Variants in FMN1 observed in about 807,000 individuals in gnomAD.
The protein encoded by FMN1 is formin-1.
FMN1 carries 110 observed loss-of-function variants against 132.4 expected under a neutral mutation model. That is an observed-to-expected ratio of 0.83 (90% CI 0.71 to 0.97). The LOEUF (loss-of-function observed/expected upper bound fraction) is 0.97. Among genes scored for constraint, FMN1 ranks in the 50% least tolerant of loss-of-function variants. FMN1 has a pLI of 0.00. For synonymous variants in FMN1, 722 were observed against 651.7 expected (o/e 1.11, Z -1.64); for missense variants, 1,792 against 1,705.3 (o/e 1.05, Z -0.90).
chr15:33,171,446 G>T (rs79224957), intron 3 of FMN1, among the ~76,000 whole-genome samples: 3,521 of 152,214 alleles, frequency 0.023, 97 homozygotes, highest in East Asian at 0.1. Context: ...CACATTCTAT[G>T]TATGTAACAA....
chr15:33,068,291 C>T, intron 5 of FMN1: 1 of 177,322 alleles, frequency 5.6e-6, no homozygotes, highest in Admixed American at 5.3e-5. Context: ...CGGCGGTTCT[C>T]CTGGTGGCAT....
At chr15:32,844,547 C>T (rs890924207) in intron 17 of FMN1, among the ~76,000 whole-genome samples, 5 of 152,118 alleles carry the variant, frequency 3.3e-5, no homozygotes, top group Non-Finnish European at 7.4e-5. Context: ...ATTCTACTTA[C>T]CTTTTATTCT....
intron 9 of FMN1, among the ~76,000 whole-genome samples, chr15:32,948,398 G>T (rs2061554511): frequency 6.6e-6 from 1 of 151,876 alleles, no homozygotes; most frequent in East Asian, 1.9e-4. Flanking sequence ...TTCTGCCCTT[G>T]TCTGGTTGTG....
chr15:33,158,622 T>C lies in FMN1; in HGVS notation c.-131-3577A>G, dbSNP rs139542772. On this transcript the variant is annotated intron_variant, in intron 3 of 20. Transcript: ENST00000616417. ...ACTACAGTTCCTTTGTTCTGGGCCC[T>C]GGGAAGCAGTATGTTGTAAGAAACT... 5.9e-5 allele frequency among the ~76,000 whole-genome samples: 9 copies of C among 152,264 alleles called. No individual in the cohort carries two copies. In the East Asian group the frequency reaches 1.7e-3, roughly 29 times the overall value.
rs11852998 is a variant in FMN1, at chr15:33,066,438, T to C, written c.2044-1364A>G. The C allele has an allele frequency of 7.4e-3, 9,356 of 1,272,834 alleles. 560 individuals carry two copies. In the African/African-American group the frequency reaches 0.12, roughly 17 times the overall value. The allele number at this position is 1,272,834 out of a possible 1,614,324, so 78.8% of individuals were successfully genotyped here. A position where few individuals can be genotyped will look rare whatever the true frequency, so the allele number is the denominator to read the frequency against. ...CACTAACAGGCAACTAGGATTCACTTTGGGAGGAAACCTGGAAAGAAATAC... is the reference window on the plus strand; with the variant it reads ...CACTAACAGGCAACTAGGATTCACTCTGGGAGGAAACCTGGAAAGAAATAC... On this transcript the variant is annotated intron_variant, in intron 5 of 20. Coordinates refer to ENST00000616417, the MANE Select transcript of FMN1 (RefSeq NM_001277313.2).
At chr15:32,841,388 C>A (rs1159728259) in intron 17 of FMN1, among the ~76,000 whole-genome samples, 1 of 152,156 alleles carries the variant, frequency 6.6e-6, no homozygotes. Context: ...AATCAAAACT[C>A]ATGAACTTTA....
At chr15:33,072,823 T>C (rs2038048605) in intron 5 of FMN1, among the ~76,000 whole-genome samples, 1 of 151,178 alleles carries the variant, frequency 6.6e-6, no homozygotes, top group Admixed American at 6.6e-5. Context: ...CTTGGGAGGC[T>C]GAGGGAGGAG....
chr15:32,992,886 C>T (rs1460597614), intron 7 of FMN1, among the ~76,000 whole-genome samples: 1 of 152,144 alleles, frequency 6.6e-6, no homozygotes, highest in African/African-American at 2.4e-5. Flanking sequence ...TATATTTAGC[C>T]TATTCACTAG....
chr15:33,154,573 G>T lies in FMN1; in HGVS notation c.342C>A (p.Asn114Lys). ...SDHILGITMGNQEGKLQELSV... is the reference protein window; with the variant it reads ...SDHILGITMGKQEGKLQELSV... ...ACAGCTCTTGCAGCTTCCCCTCCTG[G>T]TTCCCCATCGTGATCCCCAGGATGT... The change falls in exon 4 of 21, where the codon AAC becomes AAA. Residue 114 changes from asparagine (N) to lysine (K), a missense_variant. Physicochemically the swap from Asn to Lys is moderately conservative, Grantham distance 94. This residue lies in a region of FMN1 where 638 missense variants were observed against 645.2 expected (regional missense o/e 0.99). Coordinates refer to ENST00000616417, the MANE Select transcript of FMN1 (RefSeq NM_001277313.2). 2 of 1,536,112 alleles carry T rather than the reference G, an allele frequency of 1.3e-6. No homozygotes were observed. The highest frequency in any genetic ancestry group is 1.7e-6 in the Non-Finnish European group (2 of 1,146,906).
intron 6 of FMN1, among the ~76,000 whole-genome samples, chr15:33,014,141 T>TA (rs2034899028): frequency 6.6e-6 from 1 of 152,262 alleles, no homozygotes; most frequent in Non-Finnish European, 1.5e-5. Flanking sequence ...CTAATGCCTT[T>TA]ACTACTGGCA....
At chr15:33,075,803 A>C (rs1226189566) in intron 5 of FMN1, among the ~76,000 whole-genome samples, 3 of 152,214 alleles carry the variant, frequency 2.0e-5, no homozygotes, top group African/African-American at 7.2e-5. Context: ...TGAGACAATG[A>C]GCAAGCCTGG....
chr15:32,924,054 ATTTG>A (rs2060897983), intron 10 of FMN1, among the ~76,000 whole-genome samples: 1 of 152,074 alleles, frequency 6.6e-6, no homozygotes, highest in South Asian at 2.1e-4. Flanking sequence ...CCCTGAAAAC[ATTTG>A]TTTTTGTTTT....
chr15:32,776,687 C>CT (rs34593790), intron 20 of FMN1, 148 bp downstream of exon 20: 10,175 of 453,788 alleles, frequency 0.022, 30 homozygotes, highest in East Asian at 0.053. Context: ...CCCACACATA[C>CT]TTTTTTTTTT....
intron 17 of FMN1, among the ~76,000 whole-genome samples, chr15:32,809,569 T>G (rs116491948): frequency 1.5e-3 from 225 of 152,266 alleles, no homozygotes; most frequent in African/African-American, 5.2e-3. Flanking sequence ...GGTGTCTTTA[T>G]TTTTGGGCAC....
At chr15:33,057,096 T>A (rs2037251544) in intron 6 of FMN1, among the ~76,000 whole-genome samples, 1 of 152,170 alleles carries the variant, frequency 6.6e-6, no homozygotes, top group South Asian at 2.1e-4. Flanking sequence ...AAGAATGGGT[T>A]GAACACAGAA....
chr15:33,071,717 A>G (rs1037105930), intron 5 of FMN1, among the ~76,000 whole-genome samples: 1 of 152,082 alleles, frequency 6.6e-6, no homozygotes, highest in African/African-American at 2.4e-5. Context: ...TTTAACACGG[A>G]CTCTTTCAAG....
At chr15:32,931,284 TACAGAC>T (rs1312255955) in intron 9 of FMN1, among the ~76,000 whole-genome samples, 2 of 152,230 alleles carry the variant, frequency 1.3e-5, no homozygotes, top group Non-Finnish European at 2.9e-5. Context: ...TTTGGGGGAA[TACAGAC>T]ATTCAATAAT....
intron 9 of FMN1, among the ~76,000 whole-genome samples, chr15:32,949,353 C>A (rs1371153852): frequency 6.6e-6 from 1 of 152,028 alleles, no homozygotes; most frequent in Non-Finnish European, 1.5e-5. Flanking sequence ...ACACATAGAC[C>A]AAGTGAACAG....
chr15:32,995,787 C>T lies in FMN1; in HGVS notation c.2223+12227G>A, dbSNP rs139022325. On this transcript the variant is annotated intron_variant, in intron 7 of 20. Transcript: ENST00000616417. ...AACACGCAATTATCTTACTCAGAAC[C>T]GTTCCCCAGATCTGTGTTTTAACTC... 1.3e-3 allele frequency among the ~76,000 whole-genome samples: 201 copies of T among 152,262 alleles called. 1 individual carries two copies. Among genetic ancestry groups the T allele is most frequent in the African/African-American group, 4.6e-3 (192 of 41,562 alleles).
Sources: gnomAD v4.1 joint callset for allele counts (sites outside exome capture counted in the v4.1 genomes callset) on GRCh38, gnomAD v4.1.1 for gene constraint, gnomAD v4.1.1 regional missense constraint, MANE v1.5 for transcripts, NCBI Gene and HGNC (gene_info 2026-07-23, HGNC 2026-07-21) for gene names.